NRP2: variants seen among roughly 807,000 people sequenced by gnomAD.
The protein encoded by NRP2 is neuropilin-2.
NRP2 carries 52 observed loss-of-function variants against 110.4 expected under a neutral mutation model. The observed-to-expected ratio is 0.47, with a 90% CI of 0.38 to 0.59. NRP2 has a LOEUF of 0.59. Ranked by LOEUF, NRP2 falls within the 20% of genes least tolerant of loss-of-function variation. The pLI, the probability that NRP2 is intolerant of heterozygous loss-of-function variation, is 0.00. For synonymous variants in NRP2, 508 were observed against 468.9 expected (o/e 1.08, Z -1.08); for missense variants, 1,049 against 1,203.0 (o/e 0.87, Z 1.89).
intron 12 of NRP2, among the ~76,000 whole-genome samples, chr2:205,754,805 G>GGT (rs3836090): frequency 0.55 from 82,783 of 151,168 alleles, 23,136 homozygotes; most frequent in Middle Eastern, 0.63. Flanking sequence ...TCTGTGCATG[G>GGT]GTGTGTGTGT....
intron 2 of NRP2, among the ~76,000 whole-genome samples, chr2:205,698,885 G>A (rs1409316551): frequency 6.6e-6 from 1 of 152,228 alleles, no homozygotes; most frequent in Non-Finnish European, 1.5e-5. Context: ...AGGTACCAAG[G>A]AGAAGGCAAA....
At chr2:205,715,576 G>C (rs546832997) in intron 2 of NRP2, among the ~76,000 whole-genome samples, 2 of 152,168 alleles carry the variant, frequency 1.3e-5, no homozygotes, top group Non-Finnish European at 2.9e-5. Context: ...GGTGGCCCAC[G>C]GGTGGGGAGT....
intron 15 of NRP2, among the ~76,000 whole-genome samples, chr2:205,781,331 C>G (rs1485672651): frequency 2.0e-5 from 3 of 152,222 alleles, no homozygotes; most frequent in Non-Finnish European, 2.9e-5. Flanking sequence ...CATAAATGTT[C>G]AGAAATTTTG....
Position 205,795,084 on chromosome 2 carries a change from C to A in NRP2, c.*26C>A, listed in dbSNP as rs369004184. 160 of 1,605,780 alleles carry A rather than the reference C, an allele frequency of 1.0e-4. No individual in the cohort carries two copies. The highest frequency in any genetic ancestry group is 1.6e-4 in the Middle Eastern group (1 of 6,076). ...CGGATTGCACCTGAATCCTATCTGA[C>A]GTTTCATTCCAGCAAGAGGGGCTGG... On this transcript the variant is annotated 3_prime_UTR_variant, in exon 17 of 17. Transcript: ENST00000357785.
chr2:205,739,184 C>T (rs951595760), intron 7 of NRP2, among the ~76,000 whole-genome samples: 1 of 152,134 alleles, frequency 6.6e-6, no homozygotes, highest in African/African-American at 2.4e-5. Flanking sequence ...ACTTTAAGGG[C>T]CCCATGACTC....
chr2:205,728,120 G>C (rs543685765), intron 7 of NRP2, 74 bp downstream of exon 7: 1 of 1,556,156 alleles, frequency 6.4e-7, no homozygotes, highest in East Asian at 2.2e-5. Flanking sequence ...GCTTTAAGCC[G>C]ACCTCCTACA....
intron 2 of NRP2, among the ~76,000 whole-genome samples, chr2:205,706,158 G>A (rs907404273): frequency 6.6e-6 from 1 of 151,904 alleles, no homozygotes; most frequent in African/African-American, 2.4e-5. Context: ...AGATGTGAGG[G>A]CCAGTAATAG....
chr2:205,745,296 C>G (rs768378022), intron 9 of NRP2, among the ~76,000 whole-genome samples: 2 of 152,184 alleles, frequency 1.3e-5, no homozygotes, highest in African/African-American at 2.4e-5. Context: ...AACTATCAGT[C>G]AGCTTGGGTT....
chr2:205,700,591 C>T, intron 2 of NRP2: 1 of 400,264 alleles, frequency 2.5e-6, no homozygotes, highest in Non-Finnish European at 5.1e-6. Context: ...GGCCCCTGGG[C>T]CCTTGGCTCC....
At chr2:205,693,859 A>C (rs1211807975) in intron 1 of NRP2, among the ~76,000 whole-genome samples, 2 of 152,246 alleles carry the variant, frequency 1.3e-5, no homozygotes, top group Non-Finnish European at 2.9e-5. Flanking sequence ...GCTGTCGTGA[A>C]GTAAGCTATA....
At chr2:205,778,695 G>A (rs2058137433) in intron 15 of NRP2, 1 of 152,224 alleles carries the variant, frequency 6.6e-6, no homozygotes, top group South Asian at 2.1e-4. Flanking sequence ...GTGACCAGCT[G>A]AGTTACCATA....
chr2:205,739,744 A>G (rs529478323), intron 7 of NRP2, among the ~76,000 whole-genome samples: 23 of 127,754 alleles, frequency 1.8e-4, no homozygotes, highest in Non-Finnish European at 3.5e-4. Flanking sequence ...TATGGCAGTT[A>G]TTGATCTGGG....
rs926807457 is a variant in NRP2, at chr2:205,796,436, A to G, written c.*1378A>G. On this transcript the variant is annotated 3_prime_UTR_variant, in exon 17 of 17. Coordinates refer to ENST00000357785, the MANE Select transcript of NRP2 (RefSeq NM_003872.3). ...CATACACACATGCACGCACACACACATACACACATGCACGCACGCACGCAT... is the reference window on the plus strand; with the variant it reads ...CATACACACATGCACGCACACACACGTACACACATGCACGCACGCACGCAT... The G allele has an allele frequency of 2.0e-5, 3 of 152,634 alleles. No homozygotes were observed. Among genetic ancestry groups the G allele is most frequent in the African/African-American group, 7.2e-5 (3 of 41,422 alleles). 9.5% of individuals were successfully genotyped at this position (152,634 alleles called of 1,614,324 possible). A position where few individuals can be genotyped will look rare whatever the true frequency, so the allele number is the denominator to read the frequency against.
chr2:205,788,842 T>G (rs924242325), intron 15 of NRP2, among the ~76,000 whole-genome samples: 15 of 152,214 alleles, frequency 9.9e-5, no homozygotes, highest in African/African-American at 3.6e-4. Flanking sequence ...CCTTACATCT[T>G]TATTTTCCAA....
chr2:205,758,638 T>C (rs1051603686), intron 12 of NRP2, among the ~76,000 whole-genome samples: 1 of 152,170 alleles, frequency 6.6e-6, no homozygotes, highest in Non-Finnish European at 1.5e-5. Flanking sequence ...CAACAACAGA[T>C]GTTTTGGGTC....
chr2:205,775,440 T>TTCCC (rs1553599398), intron 15 of NRP2, among the ~76,000 whole-genome samples: 4 of 152,162 alleles, frequency 2.6e-5, no homozygotes, highest in Non-Finnish European at 5.9e-5. Context: ...TAAGAATGAT[T>TTCCC]TCCCTCCCTC....
Position 205,794,651 on chromosome 2 carries a change from G to A in NRP2, c.2477-103G>A, listed in dbSNP as rs1242972426. The A allele has an allele frequency of 9.3e-6, 11 of 1,187,230 alleles. No individual in the cohort carries two copies. In the East Asian group the frequency reaches 2.6e-4, roughly 28 times the overall value. The allele number at this position is 1,187,230 out of a possible 1,614,324, so 73.5% of individuals were successfully genotyped here. ...GCAGTCTAATTCCAGAGCTGCTGCT[G>A]CTAACTACTGTGCTCTGAAGAGCCT... On this transcript the variant is annotated intron_variant, in intron 16 of 16. Transcript: ENST00000357785.
At chr2:205,769,850 G>A (rs1159812391) in intron 15 of NRP2, among the ~76,000 whole-genome samples, 4 of 152,042 alleles carry the variant, frequency 2.6e-5, no homozygotes, top group African/African-American at 9.7e-5. Flanking sequence ...ACCGAAAAGT[G>A]GTGTAATTAA....
Position 205,745,804 on chromosome 2 carries a change from C to T in NRP2, c.1700C>T (p.Pro567Leu), listed in dbSNP as rs905379832. The change falls in exon 10 of 17, where the codon CCG becomes CTG. Residue 567 changes from proline (P) to leucine (L), a missense_variant. Physicochemically the swap from Pro to Leu is moderately conservative, Grantham distance 98 (BLOSUM62 -3). Coordinates refer to ENST00000357785, the MANE Select transcript of NRP2 (RefSeq NM_003872.3). The part of the protein sequence containing the change: ...TPDIRRFDPI[P>L]AQYVRVYPER... ...GACATCCGAAGGTTTGACCCCATTC[C>T]GGCACAGTATGTGCGGGTATACCCG... 18 of 1,614,112 alleles carry T rather than the reference C, an allele frequency of 1.1e-5. No homozygotes were observed. Among genetic ancestry groups the T allele is most frequent in the African/African-American group, 6.7e-5 (5 of 74,956 alleles).
Sources: allele counts gnomAD v4.1 joint callset (sites outside exome capture counted in the v4.1 genomes callset), GRCh38; gene constraint gnomAD v4.1.1; transcripts MANE v1.5; gene names NCBI Gene and HGNC (gene_info 2026-07-23, HGNC 2026-07-21).